CUBN: variants seen among roughly 807,000 people sequenced by gnomAD.
CUBN encodes 460 kDa receptor.
A neutral mutation model predicts 405.3 loss-of-function variants in CUBN; 282 were observed. The ratio of observed to expected loss-of-function variants is 0.70; its 90% CI spans 0.63 to 0.77. CUBN has a LOEUF of 0.77. Among genes scored for constraint, CUBN ranks in the 30% least tolerant of loss-of-function variants. The pLI is 0.00. For missense variants in CUBN, 4,514 were observed against 4,475.2 expected, an observed-to-expected ratio of 1.01 and a Z score of -0.25; for synonymous variants, 1,684 against 1,617.0, an observed-to-expected ratio of 1.04 and a Z score of -0.99.
intron 56 of CUBN, 23 bp from the exon 57 acceptor site, chr10:16,877,120 G>A (rs767217031): frequency 2.6e-5 from 41 of 1,600,560 alleles, no homozygotes; most frequent in South Asian, 1.0e-4. Flanking sequence ...TGGAACAACC[G>A]CATTATGATC....
intron 10 of CUBN, among the ~76,000 whole-genome samples, chr10:17,107,687 C>A (rs1335480290): frequency 6.6e-6 from 1 of 151,726 alleles, no homozygotes. Flanking sequence ...TCAGTAGAGA[C>A]GGGGTTTCAC....
rs376077509 is a variant in CUBN at position 16,978,451 on chromosome 10, T to C, written c.4695+4033A>G. On this transcript the variant is annotated intron_variant, in intron 31 of 66. Coordinates refer to ENST00000377833, the MANE Select transcript of CUBN (RefSeq NM_001081.4). Reference sequence around the variant, plus strand: ...TGTTCTACGCTTTCAGTCTGCATGATGCTTAGCCAACTTAGACTCTGAAGA... The same window carrying C: ...TGTTCTACGCTTTCAGTCTGCATGACGCTTAGCCAACTTAGACTCTGAAGA... Among the ~76,000 whole-genome samples, 5 of 152,268 alleles carry C rather than the reference T, an allele frequency of 3.3e-5. No homozygotes were observed. The East Asian group carries it at 7.7e-4, about 23-fold the overall frequency.
At position 16,982,599 on chromosome 10, in the gene CUBN, G is replaced by C. The variant is rs1833306199; in HGVS notation, c.4580C>G (p.Pro1527Arg). 1 of 1,613,532 alleles carries C rather than the reference G, an allele frequency of 6.2e-7. No individual in the cohort carries two copies. The highest frequency in any genetic ancestry group is 8.5e-7 in the Non-Finnish European group (1 of 1,179,520). ...PSGEIHSPNY[P>R]SPYRSNTDCS... ...GTCTGTGTTGCTCCTATAAGGACTGGGGTAATTTGGAGAATGAATCTCTCC... is the reference window on the plus strand; with the variant it reads ...GTCTGTGTTGCTCCTATAAGGACTGCGGTAATTTGGAGAATGAATCTCTCC... Residue 1527 changes from proline (P) to arginine (R), a missense_variant, in exon 31 of 67, where the codon CCC (proline) becomes CGC (arginine). This residue lies in a region of CUBN where 1,613 missense variants were observed against 1,542.8 expected (regional missense o/e 1.05). Transcript: ENST00000377833.
intron 28 of CUBN, among the ~76,000 whole-genome samples, chr10:17,016,963 T>C (rs1834343865): frequency 6.6e-6 from 1 of 152,174 alleles, no homozygotes; most frequent in Non-Finnish European, 1.5e-5. Flanking sequence ...AATTTATACT[T>C]CCCTCAGGTG....
intron 66 of CUBN, among the ~76,000 whole-genome samples, chr10:16,827,118 A>G (rs189314080): frequency 6.6e-6 from 1 of 152,278 alleles, no homozygotes; most frequent in East Asian, 1.9e-4. Context: ...ATGTATAAAG[A>G]TATCACTACC....
intron 66 of CUBN, among the ~76,000 whole-genome samples, chr10:16,825,675 T>TGTGTGTGTGTGTGTG (rs1838754376): frequency 1.3e-5 from 1 of 75,818 alleles, no homozygotes; most frequent in African/African-American, 5.0e-5. Flanking sequence ...GTGTGTGTGT[T>TGTGTGTGTGTGTGTG]GGGGGGATAC....
intron 29 of CUBN, among the ~76,000 whole-genome samples, chr10:16,987,443 C>G (rs1313761364): frequency 6.6e-6 from 1 of 152,214 alleles, no homozygotes; most frequent in Non-Finnish European, 1.5e-5. Context: ...ACATTTCTTT[C>G]TGCTCTGTTA....
intron 7 of CUBN, 43 bp downstream of exon 7, chr10:17,115,428 C>T: frequency 6.2e-7 from 1 of 1,612,232 alleles, no homozygotes; most frequent in Non-Finnish European, 8.5e-7. Flanking sequence ...GAGCTACTAA[C>T]CATGGCTCTC....
intron 31 of CUBN, among the ~76,000 whole-genome samples, chr10:16,956,019 GA>G (rs140678159): frequency 0.1 from 15,300 of 152,074 alleles, 1,116 homozygotes; most frequent in African/African-American, 0.2. Flanking sequence ...AAATCTTGGG[GA>G]AAAAAATAGA....
Position 17,128,971 on chromosome 10 carries a change from A to C in CUBN, c.252+150T>G. 4 of 618,054 alleles carry C rather than the reference A, an allele frequency of 6.5e-6. No homozygotes were observed. The South Asian group carries it at 9.2e-5, about 14-fold the overall frequency. 38.3% of individuals were successfully genotyped at this position (618,054 alleles called of 1,614,324 possible). Reference sequence around the variant, plus strand: ...GGATATCCCAATTACCCTGATTTGAACTTTACACATTATAGGAATGTATCA... The same window carrying C: ...GGATATCCCAATTACCCTGATTTGACCTTTACACATTATAGGAATGTATCA... On this transcript the variant is annotated intron_variant, in intron 2 of 66. Coordinates refer to ENST00000377833, the MANE Select transcript of CUBN (RefSeq NM_001081.4).
chr10:17,070,376 C>T (rs546539759), intron 19 of CUBN, among the ~76,000 whole-genome samples: 5 of 152,116 alleles, frequency 3.3e-5, no homozygotes, highest in African/African-American at 7.2e-5. Flanking sequence ...ATGAATTTTA[C>T]GATCAGCTTA....
chr10:17,004,010 G>A (rs117412228), intron 28 of CUBN, among the ~76,000 whole-genome samples: 6,677 of 152,276 alleles, frequency 0.044, 228 homozygotes, highest in Non-Finnish European at 0.063. Flanking sequence ...AGCCCAGGAG[G>A]TCTACGAAGC....
intron 28 of CUBN, among the ~76,000 whole-genome samples, chr10:16,996,472 G>A (rs1833737783): frequency 6.6e-6 from 1 of 152,174 alleles, no homozygotes; most frequent in Non-Finnish European, 1.5e-5. Context: ...GCTTACTTGT[G>A]TAGATAACTT....
intron 6 of CUBN, chr10:17,122,462 G>T: frequency 2.5e-6 from 1 of 400,508 alleles, no homozygotes; most frequent in Non-Finnish European, 5.0e-6. Flanking sequence ...CCATTCAGTG[G>T]CTCCCCTTCA....
chr10:16,853,905 T>G (rs1013041367), intron 59 of CUBN, among the ~76,000 whole-genome samples: 1 of 152,244 alleles, frequency 6.6e-6, no homozygotes, highest in Non-Finnish European at 1.5e-5. Context: ...TAAATTTATT[T>G]ATTACATATT....
In CUBN at chr10:17,123,680, T is replaced by TG; in HGVS notation, c.396dup (p.Lys133GlnfsTer20). ...CAAGGATTGCTGCTGCAAACCTTTT[T>TG]GTCAACAGTCTGAAACAAAAACAGG... is the stretch of plus-strand genomic sequence containing the variant. On this transcript the variant is annotated frameshift_variant, in exon 5 of 67. Transcript: ENST00000377833. LOFTEE classifies it high-confidence loss of function. 6.2e-7 allele frequency: 1 copy of TG among 1,613,532 alleles called. No homozygotes were observed. Among genetic ancestry groups the TG allele is most frequent in the Non-Finnish European group, 8.5e-7 (1 of 1,179,644 alleles).
At chr10:17,115,702 T>A in intron 6 of CUBN, 105 bp from the exon 7 acceptor site, 1 of 1,408,000 alleles carries the variant, frequency 7.1e-7, no homozygotes, top group Non-Finnish European at 1.0e-6. Context: ...TCAACGATGT[T>A]AACTTGGAAT....
At chr10:16,999,182 A>T (rs142848368) in intron 28 of CUBN, among the ~76,000 whole-genome samples, 192 of 152,326 alleles carry the variant, frequency 1.3e-3, no homozygotes, top group African/African-American at 4.3e-3. Context: ...ATAAATACTC[A>T]AAGTTAAGAC....
At chr10:16,976,570 ATT>A (rs553279297) in intron 31 of CUBN, among the ~76,000 whole-genome samples, 3 of 150,856 alleles carry the variant, frequency 2.0e-5, no homozygotes, top group African/African-American at 7.3e-5. Context: ...TTGAGATTCT[ATT>A]TTTTTAATGA....
Sources: gnomAD v4.1 joint callset for allele counts (sites outside exome capture counted in the v4.1 genomes callset) on GRCh38, gnomAD v4.1.1 for gene constraint, gnomAD v4.1.1 regional missense constraint, MANE v1.5 for transcripts, NCBI Gene and HGNC (gene_info 2026-07-23, HGNC 2026-07-21) for gene names.